The following RERE variants were observed in gnomAD, a reference collection of about 807,000 sequenced individuals.
RERE encodes the protein arginine-glutamic acid dipeptide repeats protein.
In RERE, 40 loss-of-function variants were observed where a neutral mutation model predicts 146.1. The observed-to-expected ratio is 0.27, with a 90% confidence interval of 0.21 to 0.36. The LOEUF is 0.36. Among genes scored for constraint, RERE ranks in the 10% least tolerant of loss-of-function variants. The probability of loss-of-function intolerance (pLI) is 1.00; values close to 1 mark genes in which losing one functional copy is unlikely to be tolerated. For synonymous variants in RERE, 1,003 were observed against 866.0 expected, an observed-to-expected ratio of 1.16 and a Z score of -2.78; for missense variants, 1,933 against 2,138.7, an observed-to-expected ratio of 0.90 and a Z score of 1.90.
At chr1:8,397,045 G>A (rs1643079662) in intron 12 of RERE, among the ~76,000 whole-genome samples, 1 of 152,198 alleles carries the variant, frequency 6.6e-6, no homozygotes, top group Non-Finnish European at 1.5e-5. Flanking sequence ...TCCCTGGGAG[G>A]AGAAACAGGA....
chr1:8,549,840 A>G (rs1015096056), intron 6 of RERE, among the ~76,000 whole-genome samples: 3 of 152,236 alleles, frequency 2.0e-5, no homozygotes, highest in Non-Finnish European at 2.9e-5. Flanking sequence ...AACTTCAGAA[A>G]AGCCAAATTG....
At chr1:8,803,206 A>G (rs1471623980) in intron 1 of RERE, among the ~76,000 whole-genome samples, 1 of 152,098 alleles carries the variant, frequency 6.6e-6, no homozygotes, top group Non-Finnish European at 1.5e-5. Flanking sequence ...GCCAGGTGCA[A>G]TGACTTAACG....
At chr1:8,535,906 G>A (rs2124379463) in intron 7 of RERE, among the ~76,000 whole-genome samples, 1 of 152,188 alleles carries the variant, frequency 6.6e-6, no homozygotes, top group East Asian at 1.9e-4. Flanking sequence ...AAGAGATGGA[G>A]ACCATCCTGG....
chr1:8,382,105 G>A (rs1180992274), intron 12 of RERE, among the ~76,000 whole-genome samples: 1 of 152,246 alleles, frequency 6.6e-6, no homozygotes, highest in East Asian at 1.9e-4. Flanking sequence ...GAGAAAGTGA[G>A]CACCAAATTC....
intron 1 of RERE, among the ~76,000 whole-genome samples, chr1:8,810,438 T>C (rs543298207): frequency 6.6e-6 from 1 of 152,302 alleles, no homozygotes; most frequent in African/African-American, 2.4e-5. Flanking sequence ...AAACTCTGTC[T>C]CTATAAAAAA....
intron 11 of RERE, among the ~76,000 whole-genome samples, chr1:8,446,939 A>G (rs1644329722): frequency 6.6e-6 from 1 of 151,638 alleles, no homozygotes; most frequent in Non-Finnish European, 1.5e-5. Context: ...TCGGCCTCCC[A>G]AAGTGCTGGG....
chr1:8,615,375 T>G (rs1183189319), intron 3 of RERE, among the ~76,000 whole-genome samples: 3 of 152,230 alleles, frequency 2.0e-5, no homozygotes, highest in Non-Finnish European at 2.9e-5. Flanking sequence ...AAAACTAGTT[T>G]AGTATGTATC....
intron 22 of RERE, 142 bp downstream of exon 22, chr1:8,355,276 TG>T: frequency 8.7e-7 from 1 of 1,144,144 alleles, no homozygotes; most frequent in South Asian, 1.4e-5. Flanking sequence ...TCCCTTCCTC[TG>T]TTTCTCCCAT....
At chr1:8,416,226 A>G (rs953735876) in intron 12 of RERE, among the ~76,000 whole-genome samples, 6 of 152,232 alleles carry the variant, frequency 3.9e-5, no homozygotes, top group Non-Finnish European at 7.3e-5. Flanking sequence ...CAAGTAAGAC[A>G]GGAGTTACAA....
At chr1:8,561,806 T>C (rs551975175) in intron 4 of RERE, among the ~76,000 whole-genome samples, 2 of 152,330 alleles carry the variant, frequency 1.3e-5, no homozygotes, top group African/African-American at 4.8e-5. Context: ...CACAAAAGTA[T>C]TGCTAGAAAG....
intron 11 of RERE, among the ~76,000 whole-genome samples, chr1:8,443,471 A>AG (rs1304987785): frequency 6.6e-6 from 1 of 151,204 alleles, no homozygotes; most frequent in Admixed American, 6.6e-5. Flanking sequence ...AAAAAAAAAA[A>AG]AAAAAAAAGA....
intron 1 of RERE, chr1:8,753,572 T>C (rs140456662): frequency 1.7e-3 from 260 of 152,286 alleles, no homozygotes; most frequent in African/African-American, 6.1e-3. Flanking sequence ...TTCTCTTCTA[T>C]TTAAAAATGC....
At chr1:8,514,326 G>A (rs1441338120) in intron 7 of RERE, among the ~76,000 whole-genome samples, 1 of 152,202 alleles carries the variant, frequency 6.6e-6, no homozygotes, top group African/African-American at 2.4e-5. Context: ...GGCTAGCTTC[G>A]CTTCTAACTC....
At chr1:8,735,426 G>A (rs1401518748) in intron 1 of RERE, among the ~76,000 whole-genome samples, 1 of 152,128 alleles carries the variant, frequency 6.6e-6, no homozygotes, top group African/African-American at 2.4e-5. Flanking sequence ...ACACATATAT[G>A]TACATCTCTT....
intron 1 of RERE, among the ~76,000 whole-genome samples, chr1:8,789,304 A>ATATATATC (rs2124572060): frequency 8.0e-6 from 1 of 124,702 alleles, no homozygotes; most frequent in African/African-American, 3.2e-5. Flanking sequence ...AAAAAAAAAT[A>ATATATATC]TATATATATA....
intron 1 of RERE, among the ~76,000 whole-genome samples, chr1:8,668,764 T>C (rs1638634382): frequency 6.6e-6 from 1 of 152,228 alleles, no homozygotes; most frequent in South Asian, 2.1e-4. Flanking sequence ...GACAGATCCA[T>C]AGGGACAGAG....
In RERE at chr1:8,384,276, G is replaced by A. The variant is rs574304035; in HGVS notation, c.1285-18302C>T. ...GGTCCAGTCTCTCCCTGAGTCATGC[G>A]CATCCTGTTCCTGCTGCCCTAGTTT... On this transcript the variant is annotated intron_variant, in intron 12 of 22. Transcript: ENST00000400908. 4.5e-4 allele frequency among the ~76,000 whole-genome samples: 69 copies of A among 152,262 alleles called. No individual in the cohort carries two copies. The East Asian group carries it at 4.8e-3, about 11-fold the overall frequency.
At chr1:8,558,171 T>C (rs994125552) in intron 4 of RERE, among the ~76,000 whole-genome samples, 5 of 152,222 alleles carry the variant, frequency 3.3e-5, no homozygotes, top group Admixed American at 3.3e-4. Flanking sequence ...TTGTATAAAA[T>C]TATTTGTGAA....
chr1:8,693,232 A>G lies in RERE; in HGVS notation c.-144-36791T>C, dbSNP rs75954395. On this transcript the variant is annotated intron_variant, in intron 1 of 22. Transcript: ENST00000400908. ...ACTCTTACCATGGGACACAGAAATC[A>G]CACACCTTCATATTTACTCAAAGGA... 4.7e-3 allele frequency among the ~76,000 whole-genome samples: 721 copies of G among 152,294 alleles called. 3 individuals carry two copies. Among genetic ancestry groups the G allele is most frequent in the African/African-American group, 0.017 (693 of 41,560 alleles).
Sources: gnomAD v4.1 joint callset for allele counts (sites outside exome capture counted in the v4.1 genomes callset) on GRCh38, gnomAD v4.1.1 for gene constraint, MANE v1.5 for transcripts, NCBI Gene and HGNC (gene_info 2026-07-23, HGNC 2026-07-21) for gene names.